KCNT2: variants seen among roughly 807,000 people sequenced by gnomAD.
KCNT2 encodes the protein potassium sodium-activated channel subfamily T member 2.
KCNT2 carries 67 observed loss-of-function variants against 153.8 expected under a neutral mutation model. The ratio of observed to expected loss-of-function variants is 0.44; its 90% confidence interval spans 0.36 to 0.53. The LOEUF (loss-of-function observed/expected upper bound fraction) is 0.53, where lower values mean the gene tolerates loss of function less well. Among genes scored for constraint, KCNT2 ranks in the 20% least tolerant of loss-of-function variants. KCNT2 has a pLI of 0.00. For synonymous variants in KCNT2, 500 were observed against 458.8 expected (o/e 1.09, Z -1.15); for missense variants, 975 against 1,354.8 (o/e 0.72, Z 4.40).
intron 12 of KCNT2, among the ~76,000 whole-genome samples, chr1:196,418,914 C>G (rs772949881): frequency 6.6e-6 from 1 of 152,060 alleles, no homozygotes; most frequent in African/African-American, 2.4e-5. Flanking sequence ...CCAGCTTGGT[C>G]TCCTCCCCAG....
At chr1:196,444,224 AAC>A (rs1231261369) in intron 8 of KCNT2, among the ~76,000 whole-genome samples, 2 of 151,320 alleles carry the variant, frequency 1.3e-5, no homozygotes, top group East Asian at 3.9e-4. Context: ...TCTTCATATA[AAC>A]TTTTCTGACT....
chr1:196,446,203 T>A (rs1220333177), intron 8 of KCNT2, among the ~76,000 whole-genome samples: 3 of 151,244 alleles, frequency 2.0e-5, no homozygotes, highest in East Asian at 3.9e-4. Context: ...TCAAAACACA[T>A]GACAAAAAAA....
At chr1:196,236,753 T>G (rs1654477319) in intron 26 of KCNT2, among the ~76,000 whole-genome samples, 1 of 151,602 alleles carries the variant, frequency 6.6e-6, no homozygotes, top group African/African-American at 2.4e-5. Flanking sequence ...TAATTCACTC[T>G]GAAAACATCC....
chr1:196,575,687 A>G (rs2148961310), intron 1 of KCNT2, among the ~76,000 whole-genome samples: 1 of 148,630 alleles, frequency 6.7e-6, no homozygotes, highest in East Asian at 2.0e-4. Context: ...CTGTCTTCTC[A>G]GTTTAAATTG....
At chr1:196,302,089 A>G (rs1454298711) in intron 22 of KCNT2, among the ~76,000 whole-genome samples, 2 of 152,168 alleles carry the variant, frequency 1.3e-5, no homozygotes, top group Admixed American at 1.3e-4. Flanking sequence ...CTCACCTGTG[A>G]AGGTGCAAGG....
In KCNT2 at chr1:196,428,004, TAAA is replaced by T. The variant is rs2148536882; in HGVS notation, c.984+98_984+100del. The T allele has an allele frequency of 4.9e-6, 4 of 823,766 alleles. 1 individual carries two copies. The South Asian group carries it at 8.0e-5, about 17-fold the overall frequency. The allele number at this position is 823,766 out of a possible 1,614,324, so 51.0% of individuals were successfully genotyped here. ...CTCCTTCTATATTTGGTTGTATAAA[TAAA>T]AATCCTCCACAAAGCAGGCTGCACC... On this transcript the variant is annotated intron_variant, in intron 10 of 27. Transcript: ENST00000294725.
chr1:196,313,621 T>C (rs1047592375), intron 21 of KCNT2, among the ~76,000 whole-genome samples: 3 of 151,610 alleles, frequency 2.0e-5, no homozygotes. Context: ...CTTTTTATCA[T>C]GTAAAACTAG....
chr1:196,576,294 T>A (rs571953629), intron 1 of KCNT2, among the ~76,000 whole-genome samples: 1 of 152,184 alleles, frequency 6.6e-6, no homozygotes, highest in Admixed American at 6.5e-5. Flanking sequence ...ACTACCATTG[T>A]ATAAAGAGAA....
At chr1:196,292,663 C>T (rs141280760) in intron 22 of KCNT2, among the ~76,000 whole-genome samples, 7,523 of 151,886 alleles carry the variant, frequency 0.05, 285 homozygotes, top group Non-Finnish European at 0.071. Flanking sequence ...AAAAATTAGC[C>T]GGGCGCCTTG....
chr1:196,455,886 T>G (rs1676627670), intron 8 of KCNT2, among the ~76,000 whole-genome samples: 1 of 152,022 alleles, frequency 6.6e-6, no homozygotes, highest in Non-Finnish European at 1.5e-5. Context: ...CCACTTTCAG[T>G]AGATGGAGAG....
At chr1:196,431,496 G>T (rs1591918) in intron 8 of KCNT2, among the ~76,000 whole-genome samples, 1 of 152,094 alleles carries the variant, frequency 6.6e-6, no homozygotes, top group Admixed American at 6.6e-5. Context: ...AAATACCGAC[G>T]GTAACGGCCT....
intron 22 of KCNT2, among the ~76,000 whole-genome samples, chr1:196,301,893 C>T (rs1342942386): frequency 1.6e-4 from 25 of 152,138 alleles, no homozygotes; most frequent in Admixed American, 1.6e-3. Flanking sequence ...GTGCACACCA[C>T]CAGGCCTGGC....
chr1:196,512,296 A>C (rs1220368572), intron 1 of KCNT2, among the ~76,000 whole-genome samples: 1 of 152,102 alleles, frequency 6.6e-6, no homozygotes, highest in African/African-American at 2.4e-5. Context: ...CAACACTCAA[A>C]ATGTAACCCA....
chr1:196,370,813 T>C (rs1204097105), intron 14 of KCNT2, among the ~76,000 whole-genome samples: 3 of 151,996 alleles, frequency 2.0e-5, no homozygotes, highest in African/African-American at 7.2e-5. Context: ...CACCAACTGA[T>C]GAGTGGAAAA....
intron 2 of KCNT2, among the ~76,000 whole-genome samples, chr1:196,490,459 A>C (rs904828844): frequency 6.8e-6 from 1 of 147,912 alleles, no homozygotes; most frequent in African/African-American, 2.4e-5. Context: ...CCAATTATAT[A>C]ATTATATATA....
intron 21 of KCNT2, among the ~76,000 whole-genome samples, chr1:196,314,762 A>T (rs1662541122): frequency 6.6e-6 from 1 of 151,734 alleles, no homozygotes; most frequent in Non-Finnish European, 1.5e-5. Context: ...ATTGTGCCAG[A>T]TAAAGTTTGC....
intron 22 of KCNT2, among the ~76,000 whole-genome samples, chr1:196,286,070 A>G (rs1056220041): frequency 2.6e-5 from 4 of 152,172 alleles, no homozygotes; most frequent in African/African-American, 9.7e-5. Flanking sequence ...ATGTGAAAAA[A>G]AAACTAACGT....
At chr1:196,430,384 C>CTCTCTCTCTCTCTCTCTCTCTCTCTT in intron 8 of KCNT2, among the ~76,000 whole-genome samples, 1 of 33,216 alleles carries the variant, frequency 3.0e-5, no homozygotes, top group African/African-American at 6.5e-5. Context: ...ATCGATCTCT[C>CTCTCTCTCTCTCTCTCTCTCTCTCTT]TCTCTCTCTC....
chr1:196,243,290 C>A (rs1346370138), intron 26 of KCNT2, among the ~76,000 whole-genome samples: 1 of 152,028 alleles, frequency 6.6e-6, no homozygotes, highest in East Asian at 1.9e-4. Context: ...GGAGGTGAAG[C>A]AAGATGACCA....
Sources: gnomAD v4.1 joint callset for allele counts (sites outside exome capture counted in the v4.1 genomes callset) on GRCh38, gnomAD v4.1.1 for gene constraint, MANE v1.5 for transcripts, NCBI Gene and HGNC (gene_info 2026-07-23, HGNC 2026-07-21) for gene names.